TRIP12: variants seen among roughly 807,000 people sequenced by gnomAD.
The protein encoded by TRIP12 is E3 ubiquitin-protein ligase TRIP12.
In TRIP12, 25 loss-of-function variants were observed where a neutral mutation model predicts 244.2. The ratio of observed to expected loss-of-function variants is 0.10; its 90% CI spans 0.07 to 0.14. The LOEUF (loss-of-function observed/expected upper bound fraction) is 0.14. Ranked by LOEUF, TRIP12 falls within the 10% of genes least tolerant of loss-of-function variation. The pLI is 1.00. For synonymous variants in TRIP12, 905 were observed against 873.1 expected (o/e 1.04, Z -0.64); for missense variants, 1,677 against 2,486.4 (o/e 0.67, Z 6.92).
intron 2 of TRIP12, among the ~76,000 whole-genome samples, chr2:229,866,613 C>A (rs2061549487): frequency 6.6e-6 from 1 of 152,020 alleles, no homozygotes; most frequent in Non-Finnish European, 1.5e-5. Flanking sequence ...GAGTTGAGAA[C>A]CATTGTACTA....
intron 13 of TRIP12, among the ~76,000 whole-genome samples, chr2:229,813,132 A>G (rs1241492771): frequency 6.6e-6 from 1 of 152,066 alleles, no homozygotes; most frequent in Non-Finnish European, 1.5e-5. Context: ...GATAGCCACA[A>G]ACTACATTTT....
Position 229,789,597 on chromosome 2 carries a change from G to C in TRIP12, c.4695+14C>G. 6.2e-7 allele frequency: 1 copy of C among 1,604,944 alleles called. No individual in the cohort carries two copies. The highest frequency in any genetic ancestry group is 8.5e-7 in the Non-Finnish European group (1 of 1,175,046). On this transcript the variant is annotated intron_variant, in intron 31 of 41. Coordinates refer to ENST00000675903, the MANE Select transcript of TRIP12 (RefSeq NM_001348323.3). ...CAGACCATGAAAACTTCATAAATAG[G>C]CAACATTACTCACATCATACAAGTA... is the stretch of plus-strand genomic sequence containing the variant.
intron 1 of TRIP12, among the ~76,000 whole-genome samples, chr2:229,909,968 G>C (rs2073947899): frequency 6.6e-6 from 1 of 152,184 alleles, no homozygotes; most frequent in South Asian, 2.1e-4. Flanking sequence ...TTCTAGGTTT[G>C]AGAGTATTGC....
chr2:229,873,144 G>A (rs527337862), intron 2 of TRIP12, among the ~76,000 whole-genome samples: 12 of 152,122 alleles, frequency 7.9e-5, no homozygotes, highest in Non-Finnish European at 1.8e-4. Context: ...AAGAATAAGG[G>A]TTTTCTTCTT....
intron 1 of TRIP12, among the ~76,000 whole-genome samples, chr2:229,888,849 T>C (rs2066630634): frequency 1.3e-5 from 2 of 150,040 alleles, no homozygotes; most frequent in Non-Finnish European, 3.0e-5. Flanking sequence ...CTAGAAATGG[T>C]GGGGAAGGAG....
chr2:229,861,265 TA>T (rs1433189634), intron 2 of TRIP12, among the ~76,000 whole-genome samples: 2 of 152,202 alleles, frequency 1.3e-5, no homozygotes, highest in African/African-American at 4.8e-5. Context: ...ATGCCAGCAC[TA>T]TTCTAAAAGC....
intron 26 of TRIP12, among the ~76,000 whole-genome samples, chr2:229,794,112 A>C (rs992442585): frequency 1.3e-5 from 2 of 152,218 alleles, no homozygotes; most frequent in African/African-American, 4.8e-5. Context: ...GAACTCCTCC[A>C]GGAAATCATA....
intron 39 of TRIP12, 89 bp from the exon 40 acceptor site, chr2:229,769,414 G>T (rs1167835019): frequency 8.1e-6 from 9 of 1,116,366 alleles, no homozygotes; most frequent in African/African-American, 1.6e-5. Context: ...CCATAAAAGA[G>T]TATCAGTCTC....
chr2:229,919,454 GGAATCATACATT>G (rs2076096413), intron 1 of TRIP12, among the ~76,000 whole-genome samples: 1 of 151,818 alleles, frequency 6.6e-6, no homozygotes, highest in African/African-American at 2.4e-5. Context: ...AATCATACAT[GGAATCATACATT>G]ACTACAAATT....
Position 229,781,175 on chromosome 2 carries a change from C to T in TRIP12, c.5095-2185G>A, listed in dbSNP as rs1001351383. On this transcript the variant is annotated intron_variant, in intron 34 of 41. Coordinates refer to ENST00000675903, the MANE Select transcript of TRIP12 (RefSeq NM_001348323.3). The stretch of plus-strand genomic sequence containing the variant: ...TACAACCTGGGGGTGGCCAGCACCC[C>T]CACAGAGTAACCTGATCTCTTCAGG... 2.0e-5 allele frequency among the ~76,000 whole-genome samples: 3 copies of T among 152,164 alleles called. No homozygotes were observed. The East Asian group carries it at 5.8e-4, about 29-fold the overall frequency.
chr2:229,819,738 C>T (rs2049518580), intron 8 of TRIP12, among the ~76,000 whole-genome samples: 1 of 152,156 alleles, frequency 6.6e-6, no homozygotes, highest in Non-Finnish European at 1.5e-5. Flanking sequence ...AGTCCTATAT[C>T]ATTGAGTACT....
intron 1 of TRIP12, among the ~76,000 whole-genome samples, chr2:229,906,886 C>T (rs1464018016): frequency 6.6e-6 from 1 of 151,926 alleles, no homozygotes; most frequent in Non-Finnish European, 1.5e-5. Flanking sequence ...AAAATGTATG[C>T]CATATCACAC....
Position 229,768,722 on chromosome 2 carries a change from A to G in TRIP12, c.5904-3T>C, listed in dbSNP as rs559750964. The stretch of plus-strand genomic sequence containing the variant: ...CAAACAAAAACTTCACAGCCCGACT[A>G]TAACAGAAATAAATATACCAAAATT... On this transcript the variant is annotated splice_region_variant and splice_polypyrimidine_tract_variant and intron_variant, in intron 40 of 41. Transcript: ENST00000675903. 425 of 1,600,816 alleles carry G rather than the reference A, an allele frequency of 2.7e-4. 5 individuals are homozygous for G. The South Asian group carries it at 4.5e-3, about 17-fold the overall frequency.
intron 4 of TRIP12, among the ~76,000 whole-genome samples, chr2:229,843,128 C>A (rs2056870774): frequency 6.7e-6 from 1 of 148,928 alleles, no homozygotes; most frequent in Non-Finnish European, 1.5e-5. Flanking sequence ...CCCCCTTTCC[C>A]AGGCTCTGTA....
At chr2:229,823,356 G>C (rs868526973) in intron 8 of TRIP12, among the ~76,000 whole-genome samples, 5 of 151,966 alleles carry the variant, frequency 3.3e-5, no homozygotes, top group African/African-American at 1.2e-4. Context: ...GCAGTAGCCC[G>C]ATCTCGGCTA....
At chr2:229,870,639 C>G (rs1040622064) in intron 2 of TRIP12, among the ~76,000 whole-genome samples, 3 of 152,024 alleles carry the variant, frequency 2.0e-5, no homozygotes, top group Non-Finnish European at 4.4e-5. Flanking sequence ...AGGAAAATGG[C>G]ATGATCAAAA....
At chr2:229,913,719 C>G (rs1198902838) in intron 1 of TRIP12, among the ~76,000 whole-genome samples, 1 of 152,220 alleles carries the variant, frequency 6.6e-6, no homozygotes, top group Non-Finnish European at 1.5e-5. Context: ...CACACCAGAA[C>G]ACACTACCAC....
At chr2:229,809,288 C>T (rs1270726228) in intron 15 of TRIP12, among the ~76,000 whole-genome samples, 1 of 151,684 alleles carries the variant, frequency 6.6e-6, no homozygotes, top group Non-Finnish European at 1.5e-5. Flanking sequence ...ACATGGTATG[C>T]TGCATTATAA....
intron 5 of TRIP12, among the ~76,000 whole-genome samples, chr2:229,838,044 C>T (rs2055295399): frequency 6.6e-6 from 1 of 152,102 alleles, no homozygotes; most frequent in South Asian, 2.1e-4. Context: ...AAGGCAGAAA[C>T]CTGTTACTAA....
Sources: gnomAD v4.1 joint callset for allele counts (sites outside exome capture counted in the v4.1 genomes callset) on GRCh38, gnomAD v4.1.1 for gene constraint, MANE v1.5 for transcripts, NCBI Gene and HGNC (gene_info 2026-07-23, HGNC 2026-07-21) for gene names.